Variants in MALT1 observed in about 807,000 individuals in gnomAD.
MALT1 encodes the protein MALT1 paracaspase, also known as mucosa-associated lymphoid tissue lymphoma translocation protein 1.
A neutral mutation model predicts 85.5 loss-of-function variants in MALT1; 36 were observed. The ratio of observed to expected loss-of-function variants is 0.42; its 90% CI spans 0.32 to 0.56. The LOEUF is 0.56. Ranked by LOEUF, MALT1 falls within the 20% of genes least tolerant of loss-of-function variation. The pLI is 0.10. For synonymous variants in MALT1, 359 were observed against 361.3 expected (o/e 0.99, Z 0.07); for missense variants, 716 against 981.6 (o/e 0.73, Z 3.62).
rs185313308 is a variant in MALT1, at chr18:58,691,039, C to T, written c.377-5327C>T. The T allele has an allele frequency of 2.5e-5, 7 of 276,946 alleles. No individual in the cohort carries two copies. The East Asian group carries it at 6.2e-4, about 24-fold the overall frequency. 17.2% of individuals were successfully genotyped at this position (276,946 alleles called of 1,614,324 possible). A position where few individuals can be genotyped will look rare whatever the true frequency, so the allele number is the denominator to read the frequency against. On this transcript the variant is annotated intron_variant, in intron 2 of 16. Coordinates refer to ENST00000649217, the MANE Select transcript of MALT1 (RefSeq NM_006785.4). ...CCCAAAACTCCACGTTATCCACCAC[C>T]TGGAATTGTGTCTGTTCTTCAGGGT...
chr18:58,717,686 CAGTG>C (rs2054922392), intron 9 of MALT1, among the ~76,000 whole-genome samples: 1 of 143,756 alleles, frequency 7.0e-6, no homozygotes, highest in Non-Finnish European at 1.5e-5. Flanking sequence ...GCGGAGGTTG[CAGTG>C]AGTGGAGATT....
intron 3 of MALT1, among the ~76,000 whole-genome samples, chr18:58,699,469 G>C (rs2054641177): frequency 6.6e-6 from 1 of 152,180 alleles, no homozygotes; most frequent in Admixed American, 6.5e-5. Context: ...CAGTAACTTG[G>C]GGTTTGGAGA....
At chr18:58,683,922 G>A (rs1173760276) in intron 2 of MALT1, among the ~76,000 whole-genome samples, 1 of 151,980 alleles carries the variant, frequency 6.6e-6, no homozygotes, top group Non-Finnish European at 1.5e-5. Flanking sequence ...AATATTATTT[G>A]TTTTATTTTG....
intron 4 of MALT1, among the ~76,000 whole-genome samples, chr18:58,702,785 C>G (rs2054692473): frequency 6.6e-6 from 1 of 152,188 alleles, no homozygotes. Flanking sequence ...TGCAAGGAAA[C>G]ATTCATCAGA....
At chr18:58,740,237 T>A (rs1357390052) in intron 13 of MALT1, among the ~76,000 whole-genome samples, 1 of 152,206 alleles carries the variant, frequency 6.6e-6, no homozygotes, top group East Asian at 1.9e-4. Flanking sequence ...TTTTTATTTA[T>A]TGCCAGCTTT....
At chr18:58,731,244 C>T (rs990558273) in intron 10 of MALT1, among the ~76,000 whole-genome samples, 16 of 152,270 alleles carry the variant, frequency 1.1e-4, no homozygotes, top group African/African-American at 2.9e-4. Context: ...TGAGCCTCCG[C>T]GCCTGGCCGT....
rs372447468 is a variant in MALT1, at chr18:58,747,567, A to G, written c.2200A>G (p.Asn734Asp). The part of the protein sequence containing the change: ...KTCFQTCLMS[N>D]GPYQSSAATS... ...TTGCTTTCAAACTTGTCTTATGTCT[A>G]ATGGTCCTTACCAGAGTTCTGCAGC... The change falls in exon 17 of 17, where the codon AAT (asparagine) becomes GAT (aspartate). Residue 734 changes from asparagine to aspartate, a missense_variant. By Grantham distance (23) the Asn-to-Asp change is conservative (BLOSUM62 1). Around this residue, in one of 4 missense-constraint regions of MALT1, gnomAD observed 260 missense variants for 323.7 expected, o/e 0.80. Coordinates refer to ENST00000649217, the MANE Select transcript of MALT1 (RefSeq NM_006785.4). The G allele has an allele frequency of 6.1e-5, 98 of 1,614,216 alleles. No individual in the cohort carries two copies. The African/African-American group carries it at 8.8e-4, about 14-fold the overall frequency.
chr18:58,719,701 G>C (rs537874832), intron 9 of MALT1, among the ~76,000 whole-genome samples: 88 of 152,222 alleles, frequency 5.8e-4, no homozygotes, highest in African/African-American at 2.0e-3. Flanking sequence ...GGAAAGATAG[G>C]CATGGACTAG....
Position 58,744,505 on chromosome 18 carries a change from T to C in MALT1, c.1911+10T>C. ...TACTGATTTTCCACTTGTGAGTCTC[T>C]TCTTTTATTTAAAATACAGTGATAT... On this transcript the variant is annotated intron_variant, in intron 15 of 16. Transcript: ENST00000649217. 1.3e-6 allele frequency: 2 copies of C among 1,580,420 alleles called. No homozygotes were observed. The highest frequency in any genetic ancestry group is 1.7e-6 in the Non-Finnish European group (2 of 1,160,372).
At position 58,735,270 on chromosome 18, in the gene MALT1, TAA is replaced by T; in HGVS notation, c.1547_1548del (p.Lys516ArgfsTer7). 1 of 1,610,784 alleles carries T rather than the reference TAA, an allele frequency of 6.2e-7. No homozygotes were observed. The highest frequency in any genetic ancestry group is 8.5e-7 in the Non-Finnish European group (1 of 1,178,956). ...GCAAATGGAATCTTTATGAAATTTT[TAA>T]AAGACAGATTATTAGAAGATAAGAA... On this transcript the variant is annotated frameshift_variant, in exon 13 of 17. Coordinates refer to ENST00000649217, the MANE Select transcript of MALT1 (RefSeq NM_006785.4). LOFTEE classifies it high-confidence loss of function.
intron 14 of MALT1, among the ~76,000 whole-genome samples, chr18:58,742,949 T>A (rs1404996436): frequency 6.6e-6 from 1 of 152,228 alleles, no homozygotes; most frequent in Non-Finnish European, 1.5e-5. Context: ...AAAAAATAAG[T>A]TTAAATTACC....
At chr18:58,683,774 G>T (rs1307700827) in intron 2 of MALT1, among the ~76,000 whole-genome samples, 1 of 152,150 alleles carries the variant, frequency 6.6e-6, no homozygotes, top group African/African-American at 2.4e-5. Context: ...TTATCCTGAT[G>T]ATATTTGGCT....
chr18:58,695,517 A>G (rs2054574149), intron 2 of MALT1, among the ~76,000 whole-genome samples: 1 of 152,252 alleles, frequency 6.6e-6, no homozygotes, highest in Non-Finnish European at 1.5e-5. Context: ...TTTCTCTTCC[A>G]AAATCATTTT....
chr18:58,708,453 C>T (rs1002276288), intron 4 of MALT1, among the ~76,000 whole-genome samples: 2 of 152,194 alleles, frequency 1.3e-5, no homozygotes, highest in Non-Finnish European at 2.9e-5. Context: ...ACCCTAATGC[C>T]AGCTCACAGT....
At chr18:58,706,218 G>T (rs552870326) in intron 4 of MALT1, among the ~76,000 whole-genome samples, 4 of 151,978 alleles carry the variant, frequency 2.6e-5, no homozygotes, top group African/African-American at 9.7e-5. Flanking sequence ...GTGCAGTGGC[G>T]TGATCTCGGC....
At chr18:58,699,600 A>G (rs928673193) in intron 3 of MALT1, among the ~76,000 whole-genome samples, 1 of 152,210 alleles carries the variant, frequency 6.6e-6, no homozygotes, top group African/African-American at 2.4e-5. Flanking sequence ...TGTATACTTA[A>G]AAGTTCAGCA....
intron 9 of MALT1, among the ~76,000 whole-genome samples, chr18:58,718,593 A>T (rs902507990): frequency 2.0e-5 from 3 of 152,232 alleles, no homozygotes; most frequent in Non-Finnish European, 4.4e-5. Context: ...GACACCGTCC[A>T]TGGAAAAATT....
At chr18:58,688,502 C>G (rs2054441932) in intron 2 of MALT1, among the ~76,000 whole-genome samples, 1 of 133,948 alleles carries the variant, frequency 7.5e-6, no homozygotes, top group Non-Finnish European at 1.5e-5. Context: ...ACATATGAGG[C>G]CAACCTGGGC....
At chr18:58,723,343 G>C in intron 10 of MALT1, 92 bp downstream of exon 10, 1 of 875,060 alleles carries the variant, frequency 1.1e-6, no homozygotes, top group East Asian at 2.7e-5. Flanking sequence ...ATAAAGATAA[G>C]GTAAACATGT....
Sources: gnomAD v4.1 joint callset for allele counts (sites outside exome capture counted in the v4.1 genomes callset) on GRCh38, gnomAD v4.1.1 for gene constraint, gnomAD v4.1.1 regional missense constraint, MANE v1.5 for transcripts, NCBI Gene and HGNC (gene_info 2026-07-23, HGNC 2026-07-21) for gene names.